Variants in DEPTOR observed in about 807,000 individuals in gnomAD.
DEPTOR encodes DEP domain-containing mTOR-interacting protein.
Under a neutral mutation model 41.6 loss-of-function variants are expected in DEPTOR, and 41 were observed. The observed-to-expected ratio is 0.98, with a 90% CI of 0.77 to 1.28. DEPTOR has a LOEUF of 1.28. Among genes scored for constraint, DEPTOR ranks in the 50% most tolerant of loss-of-function variants. The pLI, the probability that DEPTOR is intolerant of heterozygous loss-of-function variation, is 0.00. For missense variants in DEPTOR, 514 were observed against 527.9 expected (o/e 0.97, Z 0.26); for synonymous variants, 195 against 192.3 (o/e 1.01, Z -0.12).
At chr8:119,983,626 C>T (rs567551114) in intron 4 of DEPTOR, among the ~76,000 whole-genome samples, 205 of 152,220 alleles carry the variant, frequency 1.3e-3, no homozygotes, top group African/African-American at 4.6e-3. Context: ...TCAAGTAATC[C>T]GCTTGCCTTG....
chr8:120,002,791 A>AATATATATATATATATATATATAT lies in DEPTOR; in HGVS notation c.791-165_791-164insTATATATATATATATATATATATA, dbSNP rs1177103228. 8.4e-4 allele frequency among the ~76,000 whole-genome samples: 51 copies of AATATATATATATATATATATATAT among 60,574 alleles called. 1 individual carries two copies. The highest frequency in any genetic ancestry group is 1.2e-3 in the Non-Finnish European group (41 of 34,738). 39.7% of individuals were successfully genotyped at this position (60,574 alleles called of 152,430 possible). ...GACTCCATCTCAAAAAAAAAAAAAAAATATATATATATATATATATAATAT... is the reference window on the plus strand; with the variant it reads ...GACTCCATCTCAAAAAAAAAAAAAAAATATATATATATATATATATATATATATATATATATATATATATAATAT... On this transcript the variant is annotated intron_variant, in intron 5 of 8. Coordinates refer to ENST00000286234, the MANE Select transcript of DEPTOR (RefSeq NM_022783.4).
At chr8:120,015,892 G>A (rs952515850) in intron 8 of DEPTOR, among the ~76,000 whole-genome samples, 2 of 152,102 alleles carry the variant, frequency 1.3e-5, no homozygotes, top group Non-Finnish European at 2.9e-5. Context: ...GCAAATGCAG[G>A]GCACCCTGAT....
intron 3 of DEPTOR, among the ~76,000 whole-genome samples, chr8:119,948,937 G>A (rs1199019413): frequency 3.3e-5 from 5 of 151,966 alleles, no homozygotes; most frequent in African/African-American, 7.2e-5. Flanking sequence ...ACAGACATGC[G>A]CCACCACACA....
At chr8:119,880,186 T>C (rs1373928072) in intron 1 of DEPTOR, among the ~76,000 whole-genome samples, 2 of 150,368 alleles carry the variant, frequency 1.3e-5, no homozygotes, top group African/African-American at 4.9e-5. Context: ...TAAAATAAAA[T>C]AAAGAAGCCC....
At chr8:119,962,086 CAAAA>C (rs772605916) in intron 3 of DEPTOR, among the ~76,000 whole-genome samples, 15 of 48,198 alleles carry the variant, frequency 3.1e-4, no homozygotes, top group Admixed American at 7.8e-4. Context: ...ACTAAAAATA[CAAAA>C]AAAAAAAAAA....
intron 3 of DEPTOR, among the ~76,000 whole-genome samples, chr8:119,934,052 TG>T (rs1405755575): frequency 1.3e-5 from 2 of 152,230 alleles, no homozygotes; most frequent in Admixed American, 1.3e-4. Flanking sequence ...GCTAATTTTT[TG>T]TATTTTTAAT....
At chr8:119,966,860 G>T (rs1563576754) in intron 4 of DEPTOR, among the ~76,000 whole-genome samples, 1 of 152,002 alleles carries the variant, frequency 6.6e-6, no homozygotes, top group Non-Finnish European at 1.5e-5. Context: ...AGAGATACAG[G>T]GAAAATCATC....
chr8:119,924,487 TGA>T (rs922188891), intron 1 of DEPTOR, among the ~76,000 whole-genome samples: 3 of 152,172 alleles, frequency 2.0e-5, no homozygotes, highest in Non-Finnish European at 2.9e-5. Context: ...TTCTGGGTGG[TGA>T]GAGTCTACTT....
intron 3 of DEPTOR, among the ~76,000 whole-genome samples, chr8:119,946,930 A>C (rs1284192577): frequency 1.3e-5 from 2 of 151,942 alleles, no homozygotes; most frequent in African/African-American, 4.8e-5. Flanking sequence ...AGATGCCTGG[A>C]ATTTGTTATT....
At chr8:120,002,790 AAATAT>A (rs1358299203) in intron 5 of DEPTOR, among the ~76,000 whole-genome samples, 182 bp from the exon 6 acceptor site, 8 of 100,158 alleles carry the variant, frequency 8.0e-5, no homozygotes, top group African/African-American at 3.5e-4. Flanking sequence ...AAAAAAAAAA[AAATAT>A]ATATATATAT....
chr8:120,037,543 C>A (rs559511599), intron 8 of DEPTOR, among the ~76,000 whole-genome samples: 1 of 152,088 alleles, frequency 6.6e-6, no homozygotes, highest in Non-Finnish European at 1.5e-5. Flanking sequence ...GCATTGTCAC[C>A]GTGGGTAATT....
chr8:119,986,274 C>G (rs1268733442), intron 4 of DEPTOR, among the ~76,000 whole-genome samples: 2 of 152,096 alleles, frequency 1.3e-5, no homozygotes, highest in Non-Finnish European at 2.9e-5. Flanking sequence ...TTTTATTTCT[C>G]CTTCACTTAT....
At chr8:119,881,303 C>G (rs1827293616) in intron 1 of DEPTOR, among the ~76,000 whole-genome samples, 1 of 152,148 alleles carries the variant, frequency 6.6e-6, no homozygotes, top group Non-Finnish European at 1.5e-5. Flanking sequence ...GGGCAGATCA[C>G]TTGAGGTCAG....
At chr8:120,028,324 A>T (rs1183558055) in intron 8 of DEPTOR, among the ~76,000 whole-genome samples, 1 of 151,516 alleles carries the variant, frequency 6.6e-6, no homozygotes, top group Non-Finnish European at 1.5e-5. Context: ...CCTGGCCTAA[A>T]TGATGTACTT....
chr8:119,927,686 G>A (rs1827980864), intron 1 of DEPTOR, among the ~76,000 whole-genome samples: 1 of 151,464 alleles, frequency 6.6e-6, no homozygotes, highest in South Asian at 2.1e-4. Context: ...TCAGCTCACT[G>A]CAACCTCCAC....
intron 6 of DEPTOR, among the ~76,000 whole-genome samples, chr8:120,006,093 TC>T: frequency 6.6e-6 from 1 of 152,326 alleles, no homozygotes; most frequent in East Asian, 1.9e-4. Context: ...TGATCCTAAC[TC>T]ATTCATTCTT....
In DEPTOR at chr8:120,049,615, C is replaced by A. The variant is rs1813203102; in HGVS notation, c.1141C>A (p.Leu381Met). The change falls in exon 9 of 9, where the codon CTG becomes ATG. Residue 381 changes from leucine (L) to methionine (M), a missense_variant. By Grantham distance (15) the Leu-to-Met change is conservative (BLOSUM62 2). Transcript: ENST00000286234. ...FVVSVNGLNV[L>M]HVDYRTVSNL... ...CGTCTCTGTCAACGGGCTCAATGTC[C>A]TGCATGTAGACTACCGGACCGTGAG... The A allele has an allele frequency of 6.2e-7, 1 of 1,613,806 alleles. No individual in the cohort carries two copies. Among genetic ancestry groups the A allele is most frequent in the African/African-American group, 1.3e-5 (1 of 74,914 alleles).
intron 4 of DEPTOR, among the ~76,000 whole-genome samples, chr8:120,000,951 C>T (rs574756647): frequency 6.6e-6 from 1 of 151,808 alleles, no homozygotes; most frequent in Non-Finnish European, 1.5e-5. Flanking sequence ...GTGGTGGGCA[C>T]CTGTAATCCC....
At chr8:119,971,718 G>T (rs1828636361) in intron 4 of DEPTOR, among the ~76,000 whole-genome samples, 1 of 152,150 alleles carries the variant, frequency 6.6e-6, no homozygotes, top group Admixed American at 6.5e-5. Context: ...AGACATCGTA[G>T]ATTTTTCTTC....
Sources: allele counts gnomAD v4.1 joint callset (sites outside exome capture counted in the v4.1 genomes callset), GRCh38; gene constraint gnomAD v4.1.1; transcripts MANE v1.5; gene names NCBI Gene and HGNC (gene_info 2026-07-23, HGNC 2026-07-21).